The following FKBP15 variants were observed in gnomAD, a reference collection of about 807,000 sequenced individuals.
FKBP15 encodes the protein FK506-binding protein 15.
In FKBP15, 106 loss-of-function variants were observed where a neutral mutation model predicts 158.1. The ratio of observed to expected loss-of-function variants is 0.67; its 90% confidence interval spans 0.57 to 0.79. The LOEUF (loss-of-function observed/expected upper bound fraction) is 0.79, where lower values mean the gene tolerates loss of function less well. Ranked by LOEUF, FKBP15 falls within the 30% of genes least tolerant of loss-of-function variation. The pLI is 0.00. For synonymous variants in FKBP15, 547 were observed against 548.6 expected (o/e 1.00, Z 0.04); for missense variants, 1,287 against 1,479.1 (o/e 0.87, Z 2.13).
At chr9:113,188,683 G>T (rs1830524447) in intron 12 of FKBP15, 192 bp from the exon 13 acceptor site, 3 of 551,174 alleles carry the variant, frequency 5.4e-6, no homozygotes, top group Non-Finnish European at 9.8e-6. Flanking sequence ...AATAAAGTAA[G>T]AGTCCTTCTC....
intron 27 of FKBP15, among the ~76,000 whole-genome samples, chr9:113,168,228 C>T (rs1564146022): frequency 6.6e-6 from 1 of 151,890 alleles, no homozygotes; most frequent in Non-Finnish European, 1.5e-5. Context: ...CTAATTCCTG[C>T]ATGGACAGAG....
chr9:113,187,494 G>A (rs945308458), intron 14 of FKBP15: 6 of 308,370 alleles, frequency 1.9e-5, no homozygotes, highest in East Asian at 1.5e-4. Context: ...AGAAGAACGC[G>A]AATATACACG....
intron 21 of FKBP15, among the ~76,000 whole-genome samples, chr9:113,176,289 T>C (rs1284737425): frequency 6.6e-6 from 1 of 152,208 alleles, no homozygotes; most frequent in East Asian, 1.9e-4. Context: ...TCAGTATACA[T>C]ACATGTATGT....
chr9:113,169,165 CAG>C (rs1345264618), intron 26 of FKBP15, 57 bp downstream of exon 26: 17 of 1,531,194 alleles, frequency 1.1e-5, no homozygotes, highest in African/African-American at 4.2e-5. Context: ...CTGGAAAAAA[CAG>C]AGACACTCAC....
At position 113,171,711 on chromosome 9, in the gene FKBP15, AAAAC is replaced by A. The variant is rs750374572; in HGVS notation, c.2533-9_2533-6del. The A allele has an allele frequency of 1.2e-5, 19 of 1,572,008 alleles. No individual in the cohort carries two copies. The Middle Eastern group carries it at 1.7e-3, about 138-fold the overall frequency. ...TTGGGCCTGGAGGGCTAAACACTGC[AAAAC>A]AAACAGACTGTGGCTGTGGCCTCAG... is the stretch of plus-strand genomic sequence containing the variant. On this transcript the variant is annotated splice_polypyrimidine_tract_variant and splice_region_variant and intron_variant, in intron 23 of 27. Transcript: ENST00000238256.
At chr9:113,203,260 A>C (rs1451001309) in intron 4 of FKBP15, among the ~76,000 whole-genome samples, 1 of 152,160 alleles carries the variant, frequency 6.6e-6, no homozygotes, top group African/African-American at 2.4e-5. Context: ...GTAATTGGCA[A>C]TGTCTTCATT....
At chr9:113,168,359 G>T in intron 27 of FKBP15, 101 bp downstream of exon 27, 1 of 1,006,822 alleles carries the variant, frequency 9.9e-7, no homozygotes, top group Non-Finnish European at 1.5e-6. Flanking sequence ...CAGAGTCCAG[G>T]GAGTGGGCCA....
chr9:113,221,150 T>G (rs1197865480), intron 1 of FKBP15, 41 bp downstream of exon 1: 1 of 1,574,928 alleles, frequency 6.3e-7, no homozygotes, highest in Non-Finnish European at 8.6e-7. Flanking sequence ...CGCCGGTATC[T>G]CTCAGCCACG....
At position 113,208,352 on chromosome 9, in the gene FKBP15, AC is replaced by A. The variant is rs1564186290; in HGVS notation, c.170-1057del. Among the ~76,000 whole-genome samples, 9 of 152,278 alleles carry A rather than the reference AC, an allele frequency of 5.9e-5. No individual in the cohort carries two copies. The South Asian group carries it at 1.9e-3, about 32-fold the overall frequency. On this transcript the variant is annotated intron_variant, in intron 2 of 27. Transcript: ENST00000238256. ...ACTCCGTCTCAAAAAAAACAAAAAA[AC>A]AACAAAAAAAAGGGACTACAGAGTA... is the stretch of plus-strand genomic sequence containing the variant.
rs776567846 is a variant in FKBP15 at position 113,161,724 on chromosome 9, G to A, written c.*4354C>T. The A allele has an allele frequency of 1.2e-6, 2 of 1,611,102 alleles. No individual in the cohort carries two copies. The highest frequency in any genetic ancestry group is 1.7e-5 in the Admixed American group (1 of 60,014). On this transcript the variant is annotated 3_prime_UTR_variant, in exon 28 of 28. Transcript: ENST00000238256. ...GTACAGGCAGTGGGTATGGGAAAGG[G>A]GCAGAAGCCTCACATTCACCCTGAG... is the stretch of plus-strand genomic sequence containing the variant.
In FKBP15 at chr9:113,176,567, G is replaced by T; in HGVS notation, c.2193C>A (p.Asp731Glu). The T allele has an allele frequency of 6.4e-7, 1 of 1,564,496 alleles. No individual in the cohort carries two copies. The highest frequency in any genetic ancestry group is 1.2e-5 in the South Asian group (1 of 85,504). The stretch of plus-strand genomic sequence containing the variant: ...CCAAGGACTCCTTCTCAACTCGAAG[G>T]TCAGTCAGTTCCTCCTCCAGGGATG... ...KVTSLEEELT[D>E]LRVEKESLEK... Residue 731 changes from aspartate to glutamate, a missense_variant, in exon 21 of 28, where the codon GAC becomes GAA. Transcript: ENST00000238256.
chr9:113,191,495 CT>C (rs1433908149), intron 11 of FKBP15, among the ~76,000 whole-genome samples: 1 of 151,544 alleles, frequency 6.6e-6, no homozygotes, highest in Non-Finnish European at 1.5e-5. Context: ...TTTTTCGTAA[CT>C]GATGATGTAT....
At chr9:113,182,643 T>C (rs1364655428) in intron 19 of FKBP15, 123 bp downstream of exon 19, 2 of 710,110 alleles carry the variant, frequency 2.8e-6, no homozygotes, top group Admixed American at 2.2e-5. Flanking sequence ...CTGGGAGATA[T>C]CTAGTTCTTT....
Position 113,165,830 on chromosome 9 carries a change from C to CT in FKBP15, c.*247dup, listed in dbSNP as rs1830089382. 2.3e-6 allele frequency: 1 copy of CT among 427,056 alleles called. No homozygotes were observed. The highest frequency in any genetic ancestry group is 4.3e-6 in the Non-Finnish European group (1 of 229,924). 26.5% of individuals were successfully genotyped at this position (427,056 alleles called of 1,614,324 possible). Reference sequence around the variant, plus strand: ...ACAGGTGACTGGCTTGGAGGGGAACCTACCAGTCCTTCTTCCAACTTGCTG... The same window carrying CT: ...ACAGGTGACTGGCTTGGAGGGGAACCTTACCAGTCCTTCTTCCAACTTGCTG... On this transcript the variant is annotated 3_prime_UTR_variant, in exon 28 of 28. Transcript: ENST00000238256.
intron 19 of FKBP15, among the ~76,000 whole-genome samples, chr9:113,180,950 T>C (rs1340963616): frequency 1.3e-5 from 2 of 152,048 alleles, no homozygotes. Flanking sequence ...ACCTTGCCCA[T>C]CTCCCTTTAA....
At chr9:113,193,679 T>C in intron 10 of FKBP15, 130 bp from the exon 11 acceptor site, 2 of 751,732 alleles carry the variant, frequency 2.7e-6, no homozygotes, top group South Asian at 1.7e-5. Context: ...GAATTTTAAC[T>C]CTTCTTTAGT....
At chr9:113,182,934 A>G in intron 18 of FKBP15, 66 bp from the exon 19 acceptor site, 2 of 1,274,906 alleles carry the variant, frequency 1.6e-6, no homozygotes, top group South Asian at 1.2e-5. Flanking sequence ...GCACAACCCA[A>G]TGCCCATTCT....
chr9:113,207,854 C>A (rs10981687), intron 2 of FKBP15, among the ~76,000 whole-genome samples: 47,955 of 151,960 alleles, frequency 0.32, 7,739 homozygotes, highest in Non-Finnish European at 0.33. Flanking sequence ...CAACTCCCAA[C>A]CCACACACCC....
chr9:113,211,460 A>C lies in FKBP15; in HGVS notation c.169+17T>G, dbSNP rs964719514. ...AGGCATTAGCCACCTCGCTCGGCTA[A>C]TACACTCTTAACTTACCTGTTGCTG... On this transcript the variant is annotated intron_variant, in intron 2 of 27. Coordinates refer to ENST00000238256, the MANE Select transcript of FKBP15 (RefSeq NM_015258.2). 1 of 1,590,716 alleles carries C rather than the reference A, an allele frequency of 6.3e-7. No homozygotes were observed. The highest frequency in any genetic ancestry group is 1.3e-5 in the African/African-American group (1 of 74,552).
Sources: allele counts gnomAD v4.1 joint callset (sites outside exome capture counted in the v4.1 genomes callset), GRCh38; gene constraint gnomAD v4.1.1; transcripts MANE v1.5; gene names NCBI Gene and HGNC (gene_info 2026-07-23, HGNC 2026-07-21).